The following LRBA variants were observed in gnomAD, a reference collection of about 807,000 sequenced individuals.
LRBA encodes the protein lipopolysaccharide-responsive and beige-like anchor protein.
Under a neutral mutation model 330.0 loss-of-function variants are expected in LRBA, and 176 were observed. That is an observed-to-expected ratio of 0.53 (90% CI 0.47 to 0.60). The LOEUF (loss-of-function observed/expected upper bound fraction) is 0.60, where lower values mean the gene tolerates loss of function less well. LRBA is among the 20% of genes least tolerant of loss of function. The pLI, the probability that LRBA is intolerant of heterozygous loss-of-function variation, is 0.00. For synonymous variants in LRBA, 1,230 were observed against 1,193.0 expected, an observed-to-expected ratio of 1.03 and a Z score of -0.64; for missense variants, 3,259 against 3,444.8, an observed-to-expected ratio of 0.95 and a Z score of 1.35.
intron 40 of LRBA, chr4:150,579,931 T>C: frequency 3.0e-6 from 1 of 331,542 alleles, no homozygotes; most frequent in Non-Finnish European, 6.0e-6. Context: ...GCCACCAGTC[T>C]CCGCCCAGTA....
At chr4:150,924,281 G>A (rs560831531) in intron 4 of LRBA, among the ~76,000 whole-genome samples, 56 of 152,264 alleles carry the variant, frequency 3.7e-4, no homozygotes, top group African/African-American at 9.9e-4. Flanking sequence ...GGAGGCCAAG[G>A]TGGAGGGATC....
At chr4:150,933,980 T>C (rs1306066389) in intron 2 of LRBA, among the ~76,000 whole-genome samples, 1 of 151,224 alleles carries the variant, frequency 6.6e-6, no homozygotes, top group Admixed American at 6.6e-5. Flanking sequence ...CCCAAGATTG[T>C]GCCACTGCAC....
rs35393002 is a variant in LRBA at position 150,432,453 on chromosome 4, C to CTTTTTTTTT, written c.7041+3127_7041+3135dup. On this transcript the variant is annotated intron_variant, in intron 46 of 56. Transcript: ENST00000651943. ...TATATTACAGTAATTTAAGTGTGTT[C>CTTTTTTTTT]TTTTTTTTTTTTTTTTTTTTTTTTG... Among the ~76,000 whole-genome samples the CTTTTTTTTT allele has an allele frequency of 4.3e-4, 42 of 98,428 alleles. 2 individuals carry two copies. Among genetic ancestry groups the CTTTTTTTTT allele is most frequent in the African/African-American group, 5.4e-4 (13 of 23,934 alleles). The allele number at this position is 98,428 out of a possible 152,430, so 64.6% of individuals were successfully genotyped here. A position where few individuals can be genotyped will look rare whatever the true frequency, so the allele number is the denominator to read the frequency against.
At chr4:150,526,716 T>G (rs752394681) in intron 40 of LRBA, among the ~76,000 whole-genome samples, 3 of 152,188 alleles carry the variant, frequency 2.0e-5, no homozygotes, top group Non-Finnish European at 4.4e-5. Context: ...TTTGGAATAT[T>G]TTAAAGTAAA....
At chr4:150,888,636 CAA>C (rs905691317) in intron 17 of LRBA, among the ~76,000 whole-genome samples, 89 of 151,794 alleles carry the variant, frequency 5.9e-4, no homozygotes, top group African/African-American at 2.1e-3. Context: ...AAAAGTTACA[CAA>C]AGAGATAAAC....
At chr4:150,808,736 T>C (rs1743170719) in intron 31 of LRBA, among the ~76,000 whole-genome samples, 1 of 152,196 alleles carries the variant, frequency 6.6e-6, no homozygotes, top group African/African-American at 2.4e-5. Flanking sequence ...TTTCTTAACA[T>C]AGCAAAAACA....
chr4:150,507,043 G>A (rs1285855380), intron 40 of LRBA, among the ~76,000 whole-genome samples: 2 of 151,476 alleles, frequency 1.3e-5, no homozygotes, highest in African/African-American at 2.4e-5. Flanking sequence ...CCTCTTCAAG[G>A]AGAACTACAA....
intron 2 of LRBA, among the ~76,000 whole-genome samples, chr4:150,978,452 C>G (rs1309738100): frequency 6.6e-6 from 1 of 152,156 alleles, no homozygotes; most frequent in Non-Finnish European, 1.5e-5. Flanking sequence ...ACTGTGAAGA[C>G]TATAATAACA....
At chr4:150,419,493 T>C (rs74913754) in intron 46 of LRBA, among the ~76,000 whole-genome samples, 22,649 of 151,978 alleles carry the variant, frequency 0.15, 1,706 homozygotes, top group Middle Eastern at 0.17. Flanking sequence ...CTAATAACTA[T>C]GAAGGAATTT....
At chr4:150,559,552 ATATATATT>A (rs1767791764) in intron 40 of LRBA, among the ~76,000 whole-genome samples, 1 of 124,352 alleles carries the variant, frequency 8.0e-6, no homozygotes, top group Admixed American at 1.1e-4. Flanking sequence ...TAAGATAAAT[ATATATATT>A]TATATAAATA....
chr4:150,510,984 T>C (rs977476598), intron 40 of LRBA, among the ~76,000 whole-genome samples: 1 of 152,156 alleles, frequency 6.6e-6, no homozygotes, highest in African/African-American at 2.4e-5. Context: ...GCCTCCTGAA[T>C]AGCTGGGACT....
At chr4:151,008,774 A>G (rs1379087708) in intron 2 of LRBA, among the ~76,000 whole-genome samples, 1 of 151,086 alleles carries the variant, frequency 6.6e-6, no homozygotes. Flanking sequence ...GGAGTTCAAG[A>G]ACAGTCTAGC....
chr4:150,389,353 C>CTAAATAAATAAA (rs555482145), intron 47 of LRBA, among the ~76,000 whole-genome samples: 2,943 of 150,196 alleles, frequency 0.02, 100 homozygotes, highest in African/African-American at 0.068. Flanking sequence ...GACTCAGTCT[C>CTAAATAAATAAA]TAAATAAATA....
intron 37 of LRBA, among the ~76,000 whole-genome samples, chr4:150,671,359 TC>T (rs1032368979): frequency 1.1e-4 from 17 of 152,186 alleles, no homozygotes; most frequent in African/African-American, 3.6e-4. Flanking sequence ...CACCTAAGCT[TC>T]AAGAGTGTAG....
chr4:150,882,638 A>G (rs1211885637), intron 17 of LRBA, among the ~76,000 whole-genome samples: 1 of 152,230 alleles, frequency 6.6e-6, no homozygotes, highest in East Asian at 1.9e-4. Context: ...TATGTACAGT[A>G]TATTTTCAAT....
At chr4:150,954,192 G>C (rs1383037724) in intron 2 of LRBA, among the ~76,000 whole-genome samples, 1 of 149,804 alleles carries the variant, frequency 6.7e-6, no homozygotes, top group African/African-American at 2.5e-5. Context: ...AGAAGGTGGG[G>C]GGCCCCTCTG....
At chr4:150,268,231 T>C (rs1462134117) in intron 56 of LRBA, among the ~76,000 whole-genome samples, 1 of 152,128 alleles carries the variant, frequency 6.6e-6, no homozygotes, top group Non-Finnish European at 1.5e-5. Flanking sequence ...CAAAACTGAA[T>C]GAAGAAATAG....
At chr4:150,862,623 A>G (rs1220845263) in intron 22 of LRBA, among the ~76,000 whole-genome samples, 2 of 151,544 alleles carry the variant, frequency 1.3e-5, no homozygotes, top group African/African-American at 4.8e-5. Context: ...ACAGGTATAC[A>G]TATGTAACAA....
intron 30 of LRBA, among the ~76,000 whole-genome samples, chr4:150,821,529 T>C (rs1745439417): frequency 6.6e-6 from 1 of 152,172 alleles, no homozygotes; most frequent in South Asian, 2.1e-4. Flanking sequence ...TCAAAGTTTC[T>C]TTTAATTTAC....
Sources: gnomAD v4.1 joint callset for allele counts (sites outside exome capture counted in the v4.1 genomes callset) on GRCh38, gnomAD v4.1.1 for gene constraint, MANE v1.5 for transcripts, NCBI Gene and HGNC (gene_info 2026-07-23, HGNC 2026-07-21) for gene names.